The following TMEM223 variants were observed in gnomAD, a reference collection of about 807,000 sequenced individuals.
The protein encoded by TMEM223 is transmembrane protein 223.
A neutral mutation model predicts 14.1 loss-of-function variants in TMEM223; 14 were observed. The ratio of observed to expected loss-of-function variants is 0.99; its 90% confidence interval spans 0.66 to 1.55. The LOEUF (loss-of-function observed/expected upper bound fraction) is 1.55. TMEM223 is among the 40% of genes most tolerant of loss of function. The pLI, the probability that TMEM223 is intolerant of heterozygous loss-of-function variation, is 0.00. For missense variants in TMEM223, 346 were observed against 269.9 expected (o/e 1.28, Z -1.97); for synonymous variants, 145 against 120.5 (o/e 1.20, Z -1.33).
chr11:62,786,529 C>A, downstream of TMEM223: 2 of 1,552,610 alleles, frequency 1.3e-6, no homozygotes, highest in South Asian at 2.4e-5. Context: ...GGCGGTAGAG[C>A]GACTGCTGAA....
downstream of TMEM223, chr11:62,786,198 G>T: frequency 6.4e-7 from 1 of 1,559,178 alleles, no homozygotes; most frequent in African/African-American, 1.3e-5. Context: ...TCATGGGAAA[G>T]GGTCCTTGAG....
downstream of TMEM223, chr11:62,786,853 G>A: frequency 6.3e-7 from 1 of 1,595,590 alleles, no homozygotes; most frequent in Admixed American, 1.7e-5. Context: ...GAAGGAGCCG[G>A]CGGCAGCCCC....
chr11:62,783,649 C>T (rs2084247548), downstream of TMEM223, among the ~76,000 whole-genome samples: 1 of 151,604 alleles, frequency 6.6e-6, no homozygotes, highest in Non-Finnish European at 1.5e-5. Context: ...ATTCTTCCAC[C>T]TCACCCTCCC....
Position 62,791,921 on chromosome 11 carries a change from A to C in TMEM223, c.74T>G (p.Leu25Arg). 1 of 1,598,282 alleles carries C rather than the reference A, an allele frequency of 6.3e-7. No individual in the cohort carries two copies. The highest frequency in any genetic ancestry group is 8.5e-7 in the Non-Finnish European group (1 of 1,173,082). The change falls in exon 1 of 2, where the codon CTG becomes CGG. Residue 25 changes from leucine to arginine, a missense_variant. By Grantham distance (102) the Leu-to-Arg change is moderately radical (BLOSUM62 -2). Coordinates refer to ENST00000307366, the MANE Select transcript of TMEM223 (RefSeq NM_001080501.3). ...VLRPLLTCRP[L>R]QGTTLQRDVL... ...ATCCCGTTGCAGCGTCGTGCCTTGC[A>C]GGGGCCGGCAGGTGAGCAGGGGCCG... is the stretch of plus-strand genomic sequence containing the variant.
chr11:62,781,678 A>T (rs2956997), intron 1 of TMEM223: 65 of 464,492 alleles, frequency 1.4e-4, no homozygotes, highest in East Asian at 2.7e-4. Context: ...AAAAAAAAAA[A>T]GTTGGACATT....
At chr11:62,781,014 T>C (rs1187587291) in intron 1 of TMEM223, among the ~76,000 whole-genome samples, 1 of 149,012 alleles carries the variant, frequency 6.7e-6, no homozygotes, top group South Asian at 2.1e-4. Flanking sequence ...GGCGGGTGGA[T>C]TGCTTGAGGC....
chr11:62,787,023 G>A (rs2084286793), downstream of TMEM223: 4 of 1,499,202 alleles, frequency 2.7e-6, no homozygotes, highest in Non-Finnish European at 3.5e-6. Context: ...GGGCGCGCGG[G>A]GCACCCCGGC....
At chr11:62,776,057 C>T (rs762925935) in intron 1 of TMEM223, 4 of 1,244,766 alleles carry the variant, frequency 3.2e-6, no homozygotes, top group Middle Eastern at 2.0e-4. Context: ...ACAGTCCATG[C>T]CTTTACAGAA....
intron 2 of TMEM223, among the ~76,000 whole-genome samples, chr11:62,772,489 C>T (rs902964799): frequency 1.3e-5 from 2 of 149,806 alleles, no homozygotes; most frequent in Non-Finnish European, 3.0e-5. Context: ...CGCCACTGTA[C>T]TCCAGCCTGG....
exon 2 of TMEM223, chr11:62,774,625 C>T (rs1481330400): frequency 4.4e-6 from 2 of 455,066 alleles, no homozygotes; most frequent in African/African-American, 4.0e-5. Flanking sequence ...TGGAGTGAGT[C>T]ATCAGCTGCT....
At chr11:62,779,968 ATATATATATT>A (rs2084215400) in intron 1 of TMEM223, among the ~76,000 whole-genome samples, 1 of 66,636 alleles carries the variant, frequency 1.5e-5, no homozygotes, top group African/African-American at 4.4e-5. Flanking sequence ...ATATATATAT[ATATATATATT>A]TTTTTTTTTT....
At chr11:62,787,175 C>T (rs2084290009), downstream of TMEM223, 3 of 1,585,566 alleles carry the variant, frequency 1.9e-6, no homozygotes, top group Admixed American at 1.7e-5. Context: ...ACTGCCTTCC[C>T]CGCGCCGTAC....
intron 2 of TMEM223, among the ~76,000 whole-genome samples, chr11:62,772,436 T>C (rs530870067): frequency 6.6e-6 from 1 of 151,616 alleles, no homozygotes; most frequent in African/African-American, 2.4e-5. Context: ...GGCAGGAGAA[T>C]TGCTTGAACC....
At chr11:62,781,569 G>A (rs2084230060) in intron 1 of TMEM223, among the ~76,000 whole-genome samples, 1 of 151,718 alleles carries the variant, frequency 6.6e-6, no homozygotes, top group South Asian at 2.1e-4. Context: ...AGCTACTCGG[G>A]AGGCTGAGGC....
intron 1 of TMEM223, chr11:62,775,534 T>C (rs1031974707): frequency 1.6e-5 from 7 of 449,070 alleles, no homozygotes; most frequent in Middle Eastern, 1.2e-3. Context: ...AGGGCAGGAA[T>C]GGGACCTAGT....
downstream of TMEM223, chr11:62,788,965 G>C: frequency 3.9e-6 from 6 of 1,535,534 alleles, no homozygotes; most frequent in African/African-American, 1.4e-5. Flanking sequence ...ACCCTACCAA[G>C]AGACTGTATC....
downstream of TMEM223, chr11:62,787,392 G>C (rs751328143): frequency 6.4e-7 from 1 of 1,554,374 alleles, no homozygotes; most frequent in South Asian, 1.2e-5. Flanking sequence ...GCTTTGGGCG[G>C]GGTGCTGCTG....
downstream of TMEM223, chr11:62,787,162 C>G (rs1329483691): frequency 1.3e-6 from 2 of 1,580,522 alleles, no homozygotes; most frequent in South Asian, 2.3e-5. Flanking sequence ...GCGCCTTTTC[C>G]AGACTGCCTT....
chr11:62,782,202 G>A (rs751584450), intron 1 of TMEM223: 3 of 1,614,060 alleles, frequency 1.9e-6, no homozygotes, highest in Non-Finnish European at 2.5e-6. Context: ...TGTGCTTGGG[G>A]CCCTATGTCC....
Sources: allele counts gnomAD v4.1 joint callset (sites outside exome capture counted in the v4.1 genomes callset), GRCh38; gene constraint gnomAD v4.1.1; transcripts MANE v1.5; gene names NCBI Gene and HGNC (gene_info 2026-07-23, HGNC 2026-07-21).